SDK2: variants seen among roughly 807,000 people sequenced by gnomAD.
SDK2 encodes protein sidekick-2.
Under a neutral mutation model 253.9 loss-of-function variants are expected in SDK2, and 105 were observed. The ratio of observed to expected loss-of-function variants is 0.41; its 90% CI spans 0.35 to 0.49. SDK2 has a LOEUF of 0.49. Among genes scored for constraint, SDK2 ranks in the 20% least tolerant of loss-of-function variants. The probability of loss-of-function intolerance (pLI) is 0.06; values close to 1 mark genes in which losing one functional copy is unlikely to be tolerated. For missense variants in SDK2, 2,608 were observed against 3,003.0 expected (o/e 0.87, Z 3.07); for synonymous variants, 1,249 against 1,234.9 (o/e 1.01, Z -0.24).
In SDK2 at chr17:73,632,539, TG is replaced by T. The variant is rs761986905; in HGVS notation, c.64+11485del. ...GTCGGCTTCCCTACTTTTGAGGTTT[TG>T]GGACTTGGACTGACCTCCTTGCTCC... On this transcript the variant is annotated intron_variant, in intron 1 of 44. Transcript: ENST00000392650. 1.2e-3 allele frequency among the ~76,000 whole-genome samples: 176 copies of T among 152,312 alleles called. 1 individual carries two copies. The highest frequency in any genetic ancestry group is 1.7e-3 in the East Asian group (9 of 5,176).
intron 2 of SDK2, among the ~76,000 whole-genome samples, chr17:73,494,473 T>C (rs1173089960): frequency 6.6e-6 from 1 of 151,990 alleles, no homozygotes; most frequent in Non-Finnish European, 1.5e-5. Context: ...GGACCCATTT[T>C]CTCCCCAAGC....
chr17:73,402,739 G>A (rs1358680381), intron 18 of SDK2, among the ~76,000 whole-genome samples: 1 of 152,090 alleles, frequency 6.6e-6, no homozygotes, highest in Non-Finnish European at 1.5e-5. Context: ...AAAGTGCTGG[G>A]ATTATAGGTG....
rs1229726568 is a variant in SDK2 at position 73,465,662 on chromosome 17, T to C, written c.331+6450A>G. Among the ~76,000 whole-genome samples, 2 of 152,172 alleles carry C rather than the reference T, an allele frequency of 1.3e-5. No individual in the cohort carries two copies. Among genetic ancestry groups the C allele is most frequent in the East Asian group, 3.8e-4 (2 of 5,196 alleles). On this transcript the variant is annotated intron_variant, in intron 3 of 44. Coordinates refer to ENST00000392650, the MANE Select transcript of SDK2 (RefSeq NM_001144952.2). The surrounding 1 kb of genome is among the most constrained non-coding windows in gnomAD (Gnocchi z 4.2). The stretch of plus-strand genomic sequence containing the variant: ...CTTAATTGCTGTAATTAAAAACATG[T>C]AAAGAATCCTTTTTTAACGACTTTG...
At chr17:73,399,813 AAC>A (rs2063007606) in intron 21 of SDK2, among the ~76,000 whole-genome samples, 1 of 152,126 alleles carries the variant, frequency 6.6e-6, no homozygotes, top group Non-Finnish European at 1.5e-5. Context: ...CAACAGAAAG[AAC>A]ACAGATTCTG....
At chr17:73,493,477 A>G (rs2063821570) in intron 2 of SDK2, among the ~76,000 whole-genome samples, 2 of 152,186 alleles carry the variant, frequency 1.3e-5, no homozygotes, top group Non-Finnish European at 1.5e-5. Context: ...GATGACAGGA[A>G]GAAGTGAGGG....
Position 73,335,783 on chromosome 17 carries a change from A to G in SDK2, c.*2804T>C, listed in dbSNP as rs1407394839. ...GCAACCCAGGCCACCTGTGCCTCAC[A>G]GGGGAGAGATGGCTTCAGCCATCAG... On this transcript the variant is annotated 3_prime_UTR_variant, in exon 45 of 45. Transcript: ENST00000392650. 3.3e-5 allele frequency: 5 copies of G among 152,316 alleles called. No individual in the cohort carries two copies. The highest frequency in any genetic ancestry group is 2.1e-4 in the South Asian group (1 of 4,836). 9.4% of individuals were successfully genotyped at this position (152,316 alleles called of 1,614,324 possible). A position where few individuals can be genotyped will look rare whatever the true frequency, so the allele number is the denominator to read the frequency against.
intron 21 of SDK2, among the ~76,000 whole-genome samples, chr17:73,399,590 T>G (rs935385315): frequency 6.6e-6 from 1 of 152,104 alleles, no homozygotes; most frequent in African/African-American, 2.4e-5. Flanking sequence ...CAGTTCTGGA[T>G]GTGAGTGAGG....
intron 44 of SDK2, among the ~76,000 whole-genome samples, chr17:73,343,667 G>A (rs1374059338): frequency 6.6e-6 from 1 of 152,180 alleles, no homozygotes; most frequent in East Asian, 1.9e-4. Context: ...CAGACTCCAG[G>A]CCTGGTGATG....
chr17:73,495,644 GTTTGTT>G (rs2063836700), intron 2 of SDK2, among the ~76,000 whole-genome samples: 6 of 149,146 alleles, frequency 4.0e-5, no homozygotes, highest in Middle Eastern at 3.9e-3. Context: ...GTGTGTGTGT[GTTTGTT>G]TGTGTATGTG....
At chr17:73,619,575 A>G (rs1413931819) in intron 1 of SDK2, among the ~76,000 whole-genome samples, 1 of 152,214 alleles carries the variant, frequency 6.6e-6, no homozygotes, top group Non-Finnish European at 1.5e-5. Flanking sequence ...CTCACATCAT[A>G]TACAAAAAGG....
At chr17:73,400,083 C>T (rs1568382987) in intron 21 of SDK2, among the ~76,000 whole-genome samples, 1 of 152,206 alleles carries the variant, frequency 6.6e-6, no homozygotes, top group Non-Finnish European at 1.5e-5. Context: ...GGCAGCCCAG[C>T]CATCTACGCA....
chr17:73,435,665 C>A lies in SDK2; in HGVS notation c.1001-21G>T. On this transcript the variant is annotated intron_variant, in intron 8 of 44. Coordinates refer to ENST00000392650, the MANE Select transcript of SDK2 (RefSeq NM_001144952.2). This position sits in a 1 kb window ranked among gnomAD's most constrained non-coding sequence, Gnocchi z 5.7. ...CACACCTGTGGGCAAGACGTGGGCC[C>A]ACCGTCAACCTGCCTCCTGCCTCCT... The A allele has an allele frequency of 6.6e-7, 1 of 1,525,888 alleles. No individual in the cohort carries two copies. The highest frequency in any genetic ancestry group is 2.5e-5 in the East Asian group (1 of 40,534). 94.5% of individuals were successfully genotyped at this position (1,525,888 alleles called of 1,614,324 possible).
At chr17:73,370,831 G>C (rs1184141471) in intron 36 of SDK2, among the ~76,000 whole-genome samples, 2 of 152,032 alleles carry the variant, frequency 1.3e-5, no homozygotes, top group Non-Finnish European at 2.9e-5. Context: ...GGGAAGCTGA[G>C]AGAGGGGAAT....
intron 1 of SDK2, among the ~76,000 whole-genome samples, chr17:73,589,533 C>T (rs1599705807): frequency 1.3e-5 from 2 of 152,238 alleles, no homozygotes; most frequent in Non-Finnish European, 2.9e-5. Context: ...AAGCTGCTTA[C>T]TCCACAAGCC....
intron 5 of SDK2, among the ~76,000 whole-genome samples, chr17:73,444,710 T>C (rs1402175443): frequency 1.3e-5 from 2 of 152,192 alleles, no homozygotes; most frequent in Non-Finnish European, 2.9e-5. Flanking sequence ...AACTTTGCCA[T>C]AGGCACCAGT....
chr17:73,595,126 G>A (rs574773130), intron 1 of SDK2, among the ~76,000 whole-genome samples: 8 of 152,296 alleles, frequency 5.3e-5, no homozygotes, highest in African/African-American at 1.7e-4. Context: ...GTGGGCATTG[G>A]GTGGGCACTT....
chr17:73,523,068 C>T (rs1478921935), intron 1 of SDK2, among the ~76,000 whole-genome samples: 7 of 152,296 alleles, frequency 4.6e-5, no homozygotes, highest in African/African-American at 9.6e-5. Context: ...ATGGGAAAAC[C>T]GACGCAGAAG....
intron 2 of SDK2, among the ~76,000 whole-genome samples, chr17:73,500,805 C>T (rs547368237): frequency 3.3e-5 from 5 of 149,876 alleles, no homozygotes; most frequent in Non-Finnish European, 5.9e-5. Context: ...TCTCCTCCAT[C>T]CTCTTTCCAT....
rs955782708 is a variant in SDK2 at position 73,368,395 on chromosome 17, C to T, written c.5167+12G>A. ...GACCTACCCCTCCCCTCCTCAGGGC[C>T]CCCTCTCCCACCTGCTTGCTGGGTC... On this transcript the variant is annotated intron_variant, in intron 37 of 44. Transcript: ENST00000392650. The T allele has an allele frequency of 3.3e-6, 5 of 1,505,616 alleles. No individual in the cohort carries two copies. In the African/African-American group the frequency reaches 4.2e-5, roughly 13 times the overall value. The allele number at this position is 1,505,616 out of a possible 1,614,324, so 93.3% of individuals were successfully genotyped here.
Sources: gnomAD v4.1 joint callset for allele counts (sites outside exome capture counted in the v4.1 genomes callset) on GRCh38, gnomAD v4.1.1 for gene constraint, Gnocchi (gnomAD v3.1) non-coding constraint, MANE v1.5 for transcripts, NCBI Gene and HGNC (gene_info 2026-07-23, HGNC 2026-07-21) for gene names.